Variants in LPIN1 observed in about 807,000 individuals in gnomAD.
The protein encoded by LPIN1 is phosphatidate phosphatase LPIN1.
A neutral mutation model predicts 107.5 loss-of-function variants in LPIN1; 71 were observed. That is an observed-to-expected ratio of 0.66 (90% confidence interval 0.55 to 0.80). The LOEUF (loss-of-function observed/expected upper bound fraction) is 0.80. Among genes scored for constraint, LPIN1 ranks in the 30% least tolerant of loss-of-function variants. LPIN1 has a pLI of 0.00. For synonymous variants in LPIN1, 445 were observed against 452.6 expected (o/e 0.98, Z 0.21); for missense variants, 1,043 against 1,160.6 (o/e 0.90, Z 1.47).
At chr2:11,767,959 T>G in intron 3 of LPIN1, 101 bp downstream of exon 3, 20 of 799,568 alleles carry the variant, frequency 2.5e-5, no homozygotes, top group Non-Finnish European at 4.2e-5. Flanking sequence ...ATACCGGCCG[T>G]GGCTGTGTGG....
intron 18 of LPIN1, among the ~76,000 whole-genome samples, chr2:11,815,678 CT>C (rs539360078): frequency 6.2e-4 from 94 of 152,196 alleles, no homozygotes; most frequent in Middle Eastern, 3.4e-3. Flanking sequence ...CTTAGGGATC[CT>C]TAAGTGGCCT....
chr2:11,764,811 G>A (rs764701161), intron 1 of LPIN1, among the ~76,000 whole-genome samples: 10 of 152,252 alleles, frequency 6.6e-5, no homozygotes, highest in Non-Finnish European at 1.2e-4. Flanking sequence ...CTACAGTCTT[G>A]AGATTTAGTG....
At chr2:11,737,850 C>A (rs1018315722) in intron 1 of LPIN1, among the ~76,000 whole-genome samples, 1 of 152,140 alleles carries the variant, frequency 6.6e-6, no homozygotes, top group African/African-American at 2.4e-5. Context: ...GATCTAGAAC[C>A]AGAAATACCA....
chr2:11,713,747 G>T, intron 1 of LPIN1: 1 of 1,477,392 alleles, frequency 6.8e-7, no homozygotes, highest in South Asian at 1.2e-5. Flanking sequence ...TAATGTTTTT[G>T]TTTTTCAGAT....
At chr2:11,745,585 C>T (rs1666817120), upstream of LPIN1, among the ~76,000 whole-genome samples, 1 of 152,186 alleles carries the variant, frequency 6.6e-6, no homozygotes, top group Non-Finnish European at 1.5e-5. Context: ...TGGCATGCAC[C>T]TGTGGTCCCA....
chr2:11,688,361 G>C (rs1662110714), intron 1 of LPIN1, among the ~76,000 whole-genome samples: 2 of 152,148 alleles, frequency 1.3e-5, no homozygotes, highest in South Asian at 4.1e-4. Context: ...TAACCTCCCA[G>C]AGCTACCACT....
At chr2:11,805,300 G>T in intron 17 of LPIN1, 144 bp downstream of exon 17, 2 of 719,642 alleles carry the variant, frequency 2.8e-6, no homozygotes, top group Non-Finnish European at 5.0e-6. Context: ...GGGGGTCAGG[G>T]GTAGCAGTGG....
intron 14 of LPIN1, among the ~76,000 whole-genome samples, chr2:11,797,302 C>T (rs769354630): frequency 2.6e-5 from 4 of 152,188 alleles, no homozygotes; most frequent in South Asian, 2.1e-4. Flanking sequence ...AGAATAACAC[C>T]GATGCGGTAG....
At chr2:11,819,681 C>A in intron 19 of LPIN1, 83 bp downstream of exon 19, 1 of 1,007,016 alleles carries the variant, frequency 9.9e-7, no homozygotes, top group East Asian at 2.4e-5. Context: ...TATCCGAGAA[C>A]CATATGTAGA....
intron 6 of LPIN1, 143 bp from the exon 7 acceptor site, chr2:11,779,376 G>T: frequency 1.1e-6 from 1 of 886,034 alleles, no homozygotes; most frequent in Non-Finnish European, 1.8e-6. Context: ...GTGGCCGGAG[G>T]AGGGATTTGT....
At chr2:11,761,498 G>T (rs971749091) in intron 1 of LPIN1, among the ~76,000 whole-genome samples, 2 of 152,108 alleles carry the variant, frequency 1.3e-5, no homozygotes, top group Non-Finnish European at 2.9e-5. Context: ...TTGTTTCCTC[G>T]GTTGAGAGAG....
chr2:11,713,812 C>T (rs1319353117), exon 2 of LPIN1: 37 of 1,513,100 alleles, frequency 2.4e-5, no homozygotes, highest in East Asian at 1.2e-4. Context: ...CAAACATTAA[C>T]GTGAGTGCCG....
chr2:11,733,904 C>T (rs1053205118), intron 1 of LPIN1, among the ~76,000 whole-genome samples: 5 of 152,178 alleles, frequency 3.3e-5, no homozygotes, highest in African/African-American at 1.2e-4. Flanking sequence ...TGAAAGGAAT[C>T]CAAGAGATCT....
chr2:11,806,880 A>G (rs974245242), intron 17 of LPIN1, among the ~76,000 whole-genome samples: 10 of 152,108 alleles, frequency 6.6e-5, no homozygotes, highest in African/African-American at 2.4e-4. Flanking sequence ...CCCCACACAC[A>G]TACACTCACA....
At chr2:11,753,676 C>T (rs771866222) in intron 1 of LPIN1, among the ~76,000 whole-genome samples, 1 of 152,232 alleles carries the variant, frequency 6.6e-6, no homozygotes, top group Non-Finnish European at 1.5e-5. Flanking sequence ...ACAGGTAATT[C>T]ATCACCCTTA....
chr2:11,762,110 C>T (rs537914089), intron 1 of LPIN1, among the ~76,000 whole-genome samples: 23 of 152,100 alleles, frequency 1.5e-4, no homozygotes, highest in African/African-American at 4.1e-4. Context: ...ACCCCCTCCT[C>T]GCGTTCATTC....
chr2:11,748,938 C>T (rs562963752), intron 1 of LPIN1, among the ~76,000 whole-genome samples: 1 of 152,276 alleles, frequency 6.6e-6, no homozygotes, highest in Non-Finnish European at 1.5e-5. Context: ...ACTTGCACTT[C>T]CTCACTGGTA....
intron 1 of LPIN1, 35 bp downstream of exon 1, chr2:11,746,706 A>C: frequency 2.1e-6 from 2 of 970,216 alleles, no homozygotes; most frequent in Non-Finnish European, 2.5e-6. Flanking sequence ...CCCGCTGTGG[A>C]GCAGGGGCCG....
In LPIN1 at chr2:11,803,184, A is replaced by AC. The variant is rs968018028; in HGVS notation, c.2013+155dup. The AC allele has an allele frequency of 2.8e-6, 3 of 1,054,132 alleles. No individual in the cohort carries two copies. In the African/African-American group the frequency reaches 4.7e-5, roughly 16 times the overall value. The allele number at this position is 1,054,132 out of a possible 1,614,324, so 65.3% of individuals were successfully genotyped here. The stretch of plus-strand genomic sequence containing the variant: ...CCTCAACTGGGTACCCGCTGTTTCC[A>AC]CCCCAACTCCAGCACTATCCAGGCT... On this transcript the variant is annotated intron_variant, in intron 15 of 20. Coordinates refer to ENST00000674199, the MANE Select transcript of LPIN1 (RefSeq NM_001349206.2). The surrounding 1 kb of genome is among the most constrained non-coding windows in gnomAD (Gnocchi z 4.2).
Sources: allele counts gnomAD v4.1 joint callset (sites outside exome capture counted in the v4.1 genomes callset), GRCh38; gene constraint gnomAD v4.1.1; non-coding constraint Gnocchi (gnomAD v3.1); transcripts MANE v1.5; gene names NCBI Gene and HGNC (gene_info 2026-07-23, HGNC 2026-07-21).